The following MAGI2 variants were observed in gnomAD, a reference collection of about 807,000 sequenced individuals.
MAGI2 encodes the protein membrane associated guanylate kinase, WW and PDZ domain containing 2.
A neutral mutation model predicts 133.3 loss-of-function variants in MAGI2; 35 were observed. That is an observed-to-expected ratio of 0.26 (90% CI 0.20 to 0.35). The LOEUF is 0.35. Ranked by LOEUF, MAGI2 falls within the 10% of genes least tolerant of loss-of-function variation. The probability of loss-of-function intolerance (pLI) is 1.00; values close to 1 mark genes in which losing one functional copy is unlikely to be tolerated. For synonymous variants in MAGI2, 729 were observed against 710.6 expected (o/e 1.03, Z -0.41); for missense variants, 1,636 against 1,863.4 (o/e 0.88, Z 2.25).
chr7:78,434,997 C>T (rs1025455052), intron 6 of MAGI2, among the ~76,000 whole-genome samples: 6 of 152,192 alleles, frequency 3.9e-5, no homozygotes, highest in Admixed American at 1.3e-4. Context: ...AAACTCAATC[C>T]CTAAATGCCT....
intron 2 of MAGI2, among the ~76,000 whole-genome samples, chr7:78,652,045 C>T (rs1811633723): frequency 1.3e-5 from 2 of 152,050 alleles, no homozygotes; most frequent in Admixed American, 6.6e-5. Flanking sequence ...TTTAGAAAAC[C>T]TATGTTTTAT....
At chr7:78,052,485 C>T (rs147437846) in intron 21 of MAGI2, among the ~76,000 whole-genome samples, 2,265 of 152,280 alleles carry the variant, frequency 0.015, 34 homozygotes, top group Middle Eastern at 0.037. Context: ...TGCAGAACCA[C>T]GAGCCAAATA....
intron 21 of MAGI2, among the ~76,000 whole-genome samples, chr7:78,064,943 A>T (rs897466939): frequency 6.6e-6 from 1 of 152,218 alleles, no homozygotes; most frequent in African/African-American, 2.4e-5. Context: ...CTTTTGAAAC[A>T]GTAGCGAATA....
intron 1 of MAGI2, among the ~76,000 whole-genome samples, chr7:79,099,049 A>G (rs371525035): frequency 9.2e-5 from 14 of 152,314 alleles, no homozygotes; most frequent in African/African-American, 3.4e-4. Flanking sequence ...AGACGTGTCT[A>G]TGAAAGGAGA....
chr7:78,878,276 C>G lies in MAGI2; in HGVS notation c.418+128814G>C, dbSNP rs574639293. On this transcript the variant is annotated intron_variant, in intron 2 of 21. Transcript: ENST00000354212. ...AAAAACCTGTGCTTGGTTTCATACT[C>G]TTCTATTGCTCTACTGAATTTCCTA... is the stretch of plus-strand genomic sequence containing the variant. 7.7e-4 allele frequency among the ~76,000 whole-genome samples: 117 copies of G among 152,290 alleles called. No homozygotes were observed. In the Middle Eastern group the frequency reaches 0.01, roughly 13 times the overall value.
intron 1 of MAGI2, among the ~76,000 whole-genome samples, chr7:79,197,037 T>A (rs916998402): frequency 4.0e-5 from 6 of 151,882 alleles, no homozygotes; most frequent in African/African-American, 1.5e-4. Context: ...TGCCTCAGTC[T>A]CCCAAAGTGC....
chr7:78,907,000 A>G lies in MAGI2; in HGVS notation c.418+100090T>C, dbSNP rs79455738. Among the ~76,000 whole-genome samples, 144 of 152,324 alleles carry G rather than the reference A, an allele frequency of 9.5e-4. 2 individuals are homozygous for G. The East Asian group carries it at 0.024, about 25-fold the overall frequency. ...AAGTCCAGCCGACCTTTGATCTCAA[A>G]CAAAAACTAGACAATGGGTGTATGC... On this transcript the variant is annotated intron_variant, in intron 2 of 21. Transcript: ENST00000354212.
intron 2 of MAGI2, among the ~76,000 whole-genome samples, chr7:78,921,381 A>G (rs1277460925): frequency 2.0e-5 from 3 of 152,162 alleles, no homozygotes; most frequent in African/African-American, 7.2e-5. Context: ...GTAGATTCCT[A>G]AGTTCATCCC....
At chr7:78,573,233 A>ATATATATAAATATATATAAAT (rs1801776218) in intron 3 of MAGI2, among the ~76,000 whole-genome samples, 1 of 44,494 alleles carries the variant, frequency 2.2e-5, no homozygotes, top group African/African-American at 1.3e-4. Context: ...TATAAATATA[A>ATATATATAAATATATATAAAT]ATATATATAT....
chr7:78,692,505 C>T (rs893799195), intron 2 of MAGI2, among the ~76,000 whole-genome samples: 1 of 151,916 alleles, frequency 6.6e-6, no homozygotes, highest in African/African-American at 2.4e-5. Flanking sequence ...AGTCTGCTCT[C>T]GTTTCATTTT....
chr7:78,332,369 C>T (rs533877810), intron 9 of MAGI2, among the ~76,000 whole-genome samples: 172 of 152,284 alleles, frequency 1.1e-3, no homozygotes, highest in African/African-American at 4.0e-3. Flanking sequence ...AAGCACTTTT[C>T]CAGGTGTGAC....
At chr7:79,260,413 T>C (rs146822098) in intron 1 of MAGI2, among the ~76,000 whole-genome samples, 31 of 125,860 alleles carry the variant, frequency 2.5e-4, no homozygotes, top group African/African-American at 7.8e-4. Context: ...CATACATACA[T>C]ACACTACATT....
chr7:78,331,509 A>G (rs1052478105), intron 9 of MAGI2, among the ~76,000 whole-genome samples: 1 of 152,236 alleles, frequency 6.6e-6, no homozygotes, highest in Non-Finnish European at 1.5e-5. Context: ...AGCTAAAGTG[A>G]TAATAACTGC....
intron 21 of MAGI2, among the ~76,000 whole-genome samples, chr7:78,061,714 G>A (rs891486058): frequency 2.6e-5 from 4 of 152,126 alleles, no homozygotes; most frequent in African/African-American, 7.2e-5. Context: ...AACCATGAGA[G>A]CAAGAGAGAT....
intron 1 of MAGI2, among the ~76,000 whole-genome samples, chr7:79,022,115 C>A (rs976985367): frequency 6.6e-6 from 1 of 152,156 alleles, no homozygotes; most frequent in Non-Finnish European, 1.5e-5. Flanking sequence ...GTCAATTAAA[C>A]CTCTTTCCTT....
At chr7:78,882,641 C>G (rs1312692966) in intron 2 of MAGI2, among the ~76,000 whole-genome samples, 1 of 152,000 alleles carries the variant, frequency 6.6e-6, no homozygotes, top group Non-Finnish European at 1.5e-5. Context: ...TCAATGTGCA[C>G]ATCAAAAGTT....
At chr7:78,369,808 T>C (rs1020969667) in intron 6 of MAGI2, among the ~76,000 whole-genome samples, 7 of 151,948 alleles carry the variant, frequency 4.6e-5, no homozygotes, top group African/African-American at 7.2e-5. Flanking sequence ...ATAGTTCATA[T>C]TTTCAATTCT....
chr7:78,490,814 C>T (rs184762913), intron 5 of MAGI2, among the ~76,000 whole-genome samples: 6 of 152,138 alleles, frequency 3.9e-5, no homozygotes, highest in Admixed American at 3.3e-4. Context: ...GGGATCTCAT[C>T]TACCAATGGA....
chr7:78,488,775 AAC>A (rs1212548595), intron 6 of MAGI2, among the ~76,000 whole-genome samples: 1 of 152,080 alleles, frequency 6.6e-6, no homozygotes, highest in African/African-American at 2.4e-5. Context: ...CTAGCCTGTG[AAC>A]AGTTACCTTA....
Sources: gnomAD v4.1 joint callset for allele counts (sites outside exome capture counted in the v4.1 genomes callset) on GRCh38, gnomAD v4.1.1 for gene constraint, MANE v1.5 for transcripts, NCBI Gene and HGNC (gene_info 2026-07-23, HGNC 2026-07-21) for gene names.